The following ELP5 variants were observed in gnomAD, a reference collection of about 807,000 sequenced individuals.
ELP5 encodes the protein elongator complex protein 5.
In ELP5, 34 loss-of-function variants were observed where a neutral mutation model predicts 33.4. That is an observed-to-expected ratio of 1.02 (90% confidence interval 0.78 to 1.36). The LOEUF (loss-of-function observed/expected upper bound fraction) is 1.36, where lower values mean the gene tolerates loss of function less well. Among genes scored for constraint, ELP5 ranks in the 40% most tolerant of loss-of-function variants. The pLI is 0.00. For synonymous variants in ELP5, 161 were observed against 146.4 expected, an observed-to-expected ratio of 1.10 and a Z score of -0.72; for missense variants, 373 against 371.7, an observed-to-expected ratio of 1.00 and a Z score of -0.03.
At chr17:7,258,512 C>A in intron 5 of ELP5, 76 bp from the exon 6 acceptor site, 2 of 1,385,060 alleles carry the variant, frequency 1.4e-6, no homozygotes, top group Non-Finnish European at 1.0e-6. Flanking sequence ...TGATTGGGGG[C>A]TGAGGATGTG....
chr17:7,252,206 A>G (rs1466783738), upstream of ELP5: 2 of 393,720 alleles, frequency 5.1e-6, no homozygotes, highest in Non-Finnish European at 4.7e-6. Flanking sequence ...GGGCGGGGAG[A>G]GTGACGTCAC....
In ELP5 at chr17:7,252,819, A is replaced by G; in HGVS notation, c.96A>G (p.Lys32=). ...GRSLLKALVK[K]SALCGEQVHI... is the part of the protein sequence containing the mutation. Reference sequence around the variant, plus strand: ...GTCTCTTGAAGGCGCTTGTCAAGAAATCTGCACTGTGGTGAGTATCCCACA... The same window carrying G: ...GTCTCTTGAAGGCGCTTGTCAAGAAGTCTGCACTGTGGTGAGTATCCCACA... The change falls in exon 2 of 8, where the codon AAA becomes AAG. Residue 32 remains lysine, a synonymous_variant. Coordinates refer to ENST00000396628, the MANE Select transcript of ELP5 (RefSeq NM_203414.3). 1.2e-6 allele frequency: 2 copies of G among 1,614,154 alleles called. No individual in the cohort carries two copies. Among genetic ancestry groups the G allele is most frequent in the Non-Finnish European group, 8.5e-7 (1 of 1,180,016 alleles).
chr17:7,254,151 C>G (rs2072018544), intron 3 of ELP5, among the ~76,000 whole-genome samples: 1 of 152,200 alleles, frequency 6.6e-6, no homozygotes, highest in Non-Finnish European at 1.5e-5. Context: ...TTAAGCTGTT[C>G]TACAGGCAGG....
chr17:7,256,990 C>T lies in ELP5; in HGVS notation c.543C>T (p.Ala181=), dbSNP rs2072090425. ...CCCTGGGCGGTACCATGGGCCAGGC[C>T]TCGGCCCACATCCTGTGTCGGAGGC... The part of the protein sequence containing the change: ...EVTLGGTMGQ[A]SAHILCRRPR... Residue 181 remains alanine (A), a synonymous_variant, in exon 5 of 8, where the codon GCC becomes GCT. Coordinates refer to ENST00000396628, the MANE Select transcript of ELP5 (RefSeq NM_203414.3). The T allele has an allele frequency of 5.0e-6, 8 of 1,610,564 alleles. No homozygotes were observed. The highest frequency in any genetic ancestry group is 6.8e-6 in the Non-Finnish European group (8 of 1,179,252).
At chr17:7,259,440 A>G in intron 7 of ELP5, 131 bp from the exon 8 acceptor site, 1 of 1,490,792 alleles carries the variant, frequency 6.7e-7, no homozygotes, top group Non-Finnish European at 8.9e-7. Context: ...GGTCAGAGAA[A>G]GGGACTTGGA....
rs752018504 is a variant in ELP5, at chr17:7,252,823, G to A, written c.100G>A (p.Ala34Thr). 28 of 1,614,224 alleles carry A rather than the reference G, an allele frequency of 1.7e-5. No individual in the cohort carries two copies. The highest frequency in any genetic ancestry group is 2.4e-5 in the Non-Finnish European group (28 of 1,180,032). ...SLLKALVKKS[A>T]LCGEQVHILG... The stretch of plus-strand genomic sequence containing the variant: ...CTTGAAGGCGCTTGTCAAGAAATCT[G>A]CACTGTGGTGAGTATCCCACAGTGT... Residue 34 changes from alanine (A) to threonine (T), a missense_variant, in exon 2 of 8, where the codon GCA becomes ACA. Physicochemically the swap from Ala to Thr is moderately conservative, Grantham distance 58 (BLOSUM62 0). Coordinates refer to ENST00000396628, the MANE Select transcript of ELP5 (RefSeq NM_203414.3).
At chr17:7,252,213 T>G (rs1480578412), upstream of ELP5, 2 of 411,564 alleles carry the variant, frequency 4.9e-6, no homozygotes, top group Non-Finnish European at 9.0e-6. Flanking sequence ...GAGAGTGACG[T>G]CACTTGGCCC....
rs2072142947 is a variant in ELP5 at position 7,258,823 on chromosome 17, C to A, written c.688-3C>A. The A allele has an allele frequency of 6.2e-7, 1 of 1,614,072 alleles. No individual in the cohort carries two copies. The highest frequency in any genetic ancestry group is 8.5e-7 in the Non-Finnish European group (1 of 1,180,042). On this transcript the variant is annotated splice_region_variant and splice_polypyrimidine_tract_variant and intron_variant, in intron 6 of 7. Coordinates refer to ENST00000396628, the MANE Select transcript of ELP5 (RefSeq NM_203414.3). ...AGAGTGGCAGCATCCTTTGTACCTACAGGTGGATCCCACAACTCATTTGAC... is the reference window on the plus strand; with the variant it reads ...AGAGTGGCAGCATCCTTTGTACCTAAAGGTGGATCCCACAACTCATTTGAC...
rs2072030176 is a variant in ELP5, at chr17:7,254,608, G to T, written c.214G>T (p.Asp72Tyr). The change falls in exon 4 of 8, where the codon GAC becomes TAC. Residue 72 changes from aspartate (D) to tyrosine (Y), a missense_variant. Transcript: ENST00000396628. ...GCTGGTTTACCATGACTTCTTCAGA[G>T]ACCCTCTCAACTGGTCAAAAACTGA... ...NRLVYHDFFR[D>Y]PLNWSKTEEA... is the part of the protein sequence containing the mutation. The T allele has an allele frequency of 1.2e-6, 2 of 1,613,222 alleles. No individual in the cohort carries two copies. Among genetic ancestry groups the T allele is most frequent in the Non-Finnish European group, 1.7e-6 (2 of 1,179,334 alleles).
At chr17:7,255,215 C>T (rs2072050301) in intron 4 of ELP5, among the ~76,000 whole-genome samples, 1 of 152,056 alleles carries the variant, frequency 6.6e-6, no homozygotes, top group South Asian at 2.1e-4. Context: ...TACAGGCATG[C>T]ACAGGGCACC....
chr17:7,258,648 G>C lies in ELP5; in HGVS notation c.652G>C (p.Glu218Gln). The part of the protein sequence containing the change: ...SLDLQEGPSV[E>Q]SQPYSDPHIP... ...GGATCTCCAAGAGGGGCCCTCTGTA[G>C]AGTCCCAGCCCTACTCCGATCCTCA... Residue 218 changes from glutamate (E) to glutamine (Q), a missense_variant, in exon 6 of 8, where the codon GAG becomes CAG. By Grantham distance (29) the Glu-to-Gln change is conservative. Coordinates refer to ENST00000396628, the MANE Select transcript of ELP5 (RefSeq NM_203414.3). 1 of 1,614,138 alleles carries C rather than the reference G, an allele frequency of 6.2e-7. No individual in the cohort carries two copies. The highest frequency in any genetic ancestry group is 8.5e-7 in the Non-Finnish European group (1 of 1,180,040).
At chr17:7,254,552 T>G in intron 3 of ELP5, 31 bp from the exon 4 acceptor site, 1 of 1,522,218 alleles carries the variant, frequency 6.6e-7, no homozygotes, top group Non-Finnish European at 9.0e-7. Flanking sequence ...GAAGGGGCAA[T>G]ATTATATTGT....
At chr17:7,254,547 G>A in intron 3 of ELP5, 36 bp from the exon 4 acceptor site, 2 of 1,498,940 alleles carry the variant, frequency 1.3e-6, no homozygotes, top group Non-Finnish European at 1.8e-6. Flanking sequence ...CGGGGGAAGG[G>A]GCAATATTAT....
In ELP5 at chr17:7,258,866, C is replaced by T; in HGVS notation, c.728C>T (p.Ser243Phe). 6.2e-7 allele frequency: 1 copy of T among 1,614,112 alleles called. No homozygotes were observed. Among genetic ancestry groups the T allele is most frequent in the Non-Finnish European group, 8.5e-7 (1 of 1,180,030 alleles). The change falls in exon 7 of 8, where the codon TCC (serine) becomes TTC (phenylalanine). Residue 243 changes from serine to phenylalanine, a missense_variant. Coordinates refer to ENST00000396628, the MANE Select transcript of ELP5 (RefSeq NM_203414.3). The part of the protein sequence containing the change: ...TTHLTFNLHL[S>F]KKEREARDSL... Reference sequence around the variant, plus strand: ...CATTTGACCTTTAACCTTCACCTGTCCAAGAAAGAGAGAGAAGCCAGAGAT... The same window carrying T: ...CATTTGACCTTTAACCTTCACCTGTTCAAGAAAGAGAGAGAAGCCAGAGAT...
intron 4 of ELP5, among the ~76,000 whole-genome samples, chr17:7,255,583 C>T (rs190456331): frequency 6.6e-6 from 1 of 151,690 alleles, no homozygotes; most frequent in East Asian, 1.9e-4. Flanking sequence ...CAAATTTGGC[C>T]GGGCAGGGGC....
At chr17:7,252,632 G>A (rs746514638) in intron 1 of ELP5, 36 bp downstream of exon 1, 3 of 1,605,340 alleles carry the variant, frequency 1.9e-6, no homozygotes, top group South Asian at 2.2e-5. Flanking sequence ...GGCGGGGGGT[G>A]CGGTTCGGGC....
chr17:7,253,070 C>G (rs1006126856), intron 3 of ELP5, 72 bp downstream of exon 3: 38 of 1,443,454 alleles, frequency 2.6e-5, no homozygotes, highest in Non-Finnish European at 3.4e-5. Flanking sequence ...TTACAACAAG[C>G]GCAGAACCTG....
rs2071953057 is a variant in ELP5 at position 7,252,341 on chromosome 17, C to T, written c.-210C>T. 11 of 696,332 alleles carry T rather than the reference C, an allele frequency of 1.6e-5. No homozygotes were observed. Among genetic ancestry groups the T allele is most frequent in the East Asian group, 2.7e-5 (1 of 36,554 alleles). 43.1% of individuals were successfully genotyped at this position (696,332 alleles called of 1,614,324 possible). A position where few individuals can be genotyped will look rare whatever the true frequency, so the allele number is the denominator to read the frequency against. ...AATGTAGACGGGGTCGTTGTCCGTA[C>T]GACTGTGCGCCAGGGCTCGGGGAGG... On this transcript the variant is annotated 5_prime_UTR_variant, in exon 1 of 8. The change creates a new upstream start codon in the 5' untranslated region. Transcript: ENST00000396628.
rs774383159 is a variant in ELP5 at position 7,252,768 on chromosome 17, A to G, written c.47-2A>G. 1.2e-6 allele frequency: 2 copies of G among 1,613,996 alleles called. No individual in the cohort carries two copies. The highest frequency in any genetic ancestry group is 1.3e-5 in the African/African-American group (1 of 74,982). On this transcript the variant is annotated splice_acceptor_variant, in intron 1 of 7. Coordinates refer to ENST00000396628, the MANE Select transcript of ELP5 (RefSeq NM_203414.3). LOFTEE classifies it high-confidence loss of function. ...ACCCTTTATCCGTCCCTCGCTCTGCAGATTCCGTGGAGTGGGAGGGGCGCA... is the reference window on the plus strand; with the variant it reads ...ACCCTTTATCCGTCCCTCGCTCTGCGGATTCCGTGGAGTGGGAGGGGCGCA...
Sources: allele counts gnomAD v4.1 joint callset (sites outside exome capture counted in the v4.1 genomes callset), GRCh38; gene constraint gnomAD v4.1.1; transcripts MANE v1.5; gene names NCBI Gene and HGNC (gene_info 2026-07-23, HGNC 2026-07-21).